The following HELQ variants were observed in gnomAD, a reference collection of about 807,000 sequenced individuals.
HELQ encodes helicase POLQ-like.
Under a neutral mutation model 111.6 loss-of-function variants are expected in HELQ, and 77 were observed. That is an observed-to-expected ratio of 0.69 (90% confidence interval 0.57 to 0.83). The LOEUF is 0.83. Ranked by LOEUF, HELQ falls within the 40% of genes least tolerant of loss-of-function variation. HELQ has a pLI of 0.00. For missense variants in HELQ, 1,200 were observed against 1,288.5 expected (o/e 0.93, Z 1.05); for synonymous variants, 438 against 454.7 (o/e 0.96, Z 0.47).
chr4:83,427,562 C>A lies in HELQ; in HGVS notation c.2676+1G>T. The A allele has an allele frequency of 6.5e-7, 1 of 1,528,624 alleles. No homozygotes were observed. Among genetic ancestry groups the A allele is most frequent in the South Asian group, 1.3e-5 (1 of 78,228 alleles). The allele number at this position is 1,528,624 out of a possible 1,614,324, so 94.7% of individuals were successfully genotyped here. A position where few individuals can be genotyped will look rare whatever the true frequency, so the allele number is the denominator to read the frequency against. Reference sequence around the variant, plus strand: ...TAAGTTGAAAAACGTTATATTCTCACCTGCCTGAAGTATATCATCCAATCA... The same window carrying A: ...TAAGTTGAAAAACGTTATATTCTCAACTGCCTGAAGTATATCATCCAATCA... On this transcript the variant is annotated splice_donor_variant, in intron 13 of 17. Coordinates refer to ENST00000295488, the MANE Select transcript of HELQ (RefSeq NM_133636.5). LOFTEE classifies it high-confidence loss of function.
intron 16 of HELQ, among the ~76,000 whole-genome samples, chr4:83,417,213 T>C (rs549097064): frequency 1.3e-4 from 19 of 151,730 alleles, no homozygotes; most frequent in Admixed American, 9.8e-4. Context: ...TTTCTTTTTT[T>C]TTTTTTTGAG....
intron 9 of HELQ, among the ~76,000 whole-genome samples, chr4:83,435,565 A>G (rs1381650360): frequency 6.7e-6 from 1 of 148,330 alleles, no homozygotes; most frequent in East Asian, 1.9e-4. Flanking sequence ...TTACTCAAGG[A>G]AGGCAAAATT....
chr4:83,451,961 A>G (rs898821177), intron 2 of HELQ, among the ~76,000 whole-genome samples: 1 of 152,230 alleles, frequency 6.6e-6, no homozygotes, highest in Non-Finnish European at 1.5e-5. Context: ...CATATCATTC[A>G]TAAGATCCTA....
intron 2 of HELQ, among the ~76,000 whole-genome samples, chr4:83,450,270 G>A (rs1040615361): frequency 5.7e-5 from 7 of 121,828 alleles, no homozygotes; most frequent in Non-Finnish European, 1.1e-4. Context: ...TCATTGCCCC[G>A]GAGTGGTGGA....
chr4:83,411,150 C>G (rs1456058227), intron 17 of HELQ, among the ~76,000 whole-genome samples: 1 of 116,156 alleles, frequency 8.6e-6, no homozygotes, highest in Non-Finnish European at 1.6e-5. Flanking sequence ...AGAGGGAGAC[C>G]TTGTCTCAAA....
At chr4:83,428,103 A>T (rs567990372) in intron 12 of HELQ, among the ~76,000 whole-genome samples, 5 of 152,316 alleles carry the variant, frequency 3.3e-5, no homozygotes, top group African/African-American at 1.2e-4. Flanking sequence ...AAGAAAAATG[A>T]GATAGATTTA....
rs1452630717 is a variant in HELQ, at chr4:83,436,942, A to C, written c.1964T>G (p.Leu655Trp). The C allele has an allele frequency of 1.7e-5, 28 of 1,614,088 alleles. No individual in the cohort carries two copies. The highest frequency in any genetic ancestry group is 2.1e-5 in the Non-Finnish European group (25 of 1,180,030). The change falls in exon 9 of 18, where the codon TTG (leucine) becomes TGG (tryptophan). Residue 655 changes from leucine to tryptophan, a missense_variant. This residue lies in a region of HELQ where 585 missense variants were observed against 665.3 expected (regional missense o/e 0.88). Coordinates refer to ENST00000295488, the MANE Select transcript of HELQ (RefSeq NM_133636.5). The part of the protein sequence containing the change: ...SGLTSDERKL[L>W]EEAYSTGVLC... ...CACTCCTGTGGAGTAGGCCTCCTCC[A>C]AGAGTTTCCTTTCATCACTTGTTAA...
chr4:83,454,809 G>C (rs868036248), intron 1 of HELQ, among the ~76,000 whole-genome samples: 7 of 152,100 alleles, frequency 4.6e-5, no homozygotes, highest in African/African-American at 1.7e-4. Flanking sequence ...CGAAGTTTCT[G>C]ATAACTGCAG....
Position 83,427,586 on chromosome 4 carries a change from C to T in HELQ, c.2653G>A (p.Asp885Asn). 1 of 1,565,228 alleles carries T rather than the reference C, an allele frequency of 6.4e-7. No homozygotes were observed. Among genetic ancestry groups the T allele is most frequent in the Non-Finnish European group, 8.6e-7 (1 of 1,161,030 alleles). The change falls in exon 13 of 18, where the codon GAT (aspartate) becomes AAT (asparagine). Residue 885 changes from aspartate to asparagine, a missense_variant. Physicochemically the swap from Asp to Asn is conservative, Grantham distance 23. Around this residue, in one of 3 missense-constraint regions of HELQ, gnomAD observed 585 missense variants for 665.3 expected, o/e 0.88. Transcript: ENST00000295488. The stretch of plus-strand genomic sequence containing the variant: ...ACCTGCCTGAAGTATATCATCCAAT[C>T]AGGGTTACACTGTGAAACCAGATCA... ...PYDLVSQCNPDWMIYFRQFSQ... is the reference protein window; with the variant it reads ...PYDLVSQCNPNWMIYFRQFSQ...
Position 83,440,009 on chromosome 4 carries a change from C to T in HELQ, c.1663-1G>A. On this transcript the variant is annotated splice_acceptor_variant, in intron 7 of 17. Coordinates refer to ENST00000295488, the MANE Select transcript of HELQ (RefSeq NM_133636.5). LOFTEE classifies it high-confidence loss of function. ...CCATCTTTTTTAGGGTATCAGAATA[C>T]TGCAAAACAACAAGATGTAGGAACA... 1 of 1,604,710 alleles carries T rather than the reference C, an allele frequency of 6.2e-7. No individual in the cohort carries two copies. Among genetic ancestry groups the T allele is most frequent in the Non-Finnish European group, 8.5e-7 (1 of 1,177,076 alleles).
In HELQ at chr4:83,407,504, T is replaced by C. The variant is rs777054193; in HGVS notation, c.3255A>G (p.Arg1085=). The change falls in exon 18 of 18, where the codon AGA becomes AGG. Residue 1085 remains arginine, a synonymous_variant. Coordinates refer to ENST00000295488, the MANE Select transcript of HELQ (RefSeq NM_133636.5). The part of the protein sequence containing the change: ...ALQEEVEELL[R]LPSDFPGAVA... ...CAGCACCAGGGAAATCAGAAGGCAA[T>C]CTTAGTAACTCTTCTACCTCTTCTT... 4 of 1,611,544 alleles carry C rather than the reference T, an allele frequency of 2.5e-6. No individual in the cohort carries two copies. Among genetic ancestry groups the C allele is most frequent in the Non-Finnish European group, 3.4e-6 (4 of 1,179,264 alleles).
chr4:83,424,991 G>T (rs1421558464), intron 14 of HELQ, among the ~76,000 whole-genome samples: 1 of 152,026 alleles, frequency 6.6e-6, no homozygotes, highest in Non-Finnish European at 1.5e-5. Flanking sequence ...GAGGAGGTTG[G>T]GTGTGGTGGC....
intron 12 of HELQ, among the ~76,000 whole-genome samples, chr4:83,428,639 T>C (rs1297333493): frequency 6.6e-6 from 1 of 152,086 alleles, no homozygotes; most frequent in Middle Eastern, 3.2e-3. Flanking sequence ...TCTAAGACAT[T>C]ATATTCAGGA....
chr4:83,441,828 C>T (rs1348369951), intron 6 of HELQ, among the ~76,000 whole-genome samples: 1 of 144,674 alleles, frequency 6.9e-6, no homozygotes, highest in African/African-American at 2.6e-5. Context: ...GCTTGGAGTG[C>T]AGTAGCATGA....
chr4:83,409,694 CT>C (rs1351712503), intron 17 of HELQ, among the ~76,000 whole-genome samples: 1 of 151,882 alleles, frequency 6.6e-6, no homozygotes, highest in African/African-American at 2.4e-5. Flanking sequence ...AAATAAAAAT[CT>C]GGAGATATGA....
Position 83,453,232 on chromosome 4 carries a change from A to G in HELQ, c.1011T>C (p.Tyr337=). 6.3e-7 allele frequency: 1 copy of G among 1,589,032 alleles called. No homozygotes were observed. Among genetic ancestry groups the G allele is most frequent in the Non-Finnish European group, 8.6e-7 (1 of 1,167,920 alleles). The change falls in exon 2 of 18, where the codon TAT becomes TAC. Residue 337 remains tyrosine, a splice_region_variant and synonymous_variant. Transcript: ENST00000295488. ...YAQFKGIEKL[Y]EWQHTCLTLN... is the part of the protein sequence containing the mutation. ...TTTTATTCCAGCAAAAAGCATTACCATATAATTTTTCAATTCCCTTGAATT... is the reference window on the plus strand; with the variant it reads ...TTTTATTCCAGCAAAAAGCATTACCGTATAATTTTTCAATTCCCTTGAATT...
chr4:83,447,728 G>A (rs1044391635), intron 3 of HELQ, among the ~76,000 whole-genome samples: 8 of 151,366 alleles, frequency 5.3e-5, no homozygotes, highest in South Asian at 2.1e-4. Context: ...GCGTGGTGGC[G>A]TGTGCTTGCG....
At chr4:83,436,776 G>A (rs1720481075) in intron 9 of HELQ, 82 bp downstream of exon 9, 1 of 1,439,768 alleles carries the variant, frequency 6.9e-7, no homozygotes, top group East Asian at 2.3e-5. Context: ...ATCCACTACT[G>A]AGAAAGCATA....
intron 7 of HELQ, 56 bp downstream of exon 7, chr4:83,441,249 G>T: frequency 1.1e-6 from 1 of 946,408 alleles, no homozygotes; most frequent in Non-Finnish European, 1.7e-6. Flanking sequence ...GGAAACTCTT[G>T]TTGTGCCCCA....
Sources: gnomAD v4.1 joint callset for allele counts (sites outside exome capture counted in the v4.1 genomes callset) on GRCh38, gnomAD v4.1.1 for gene constraint, gnomAD v4.1.1 regional missense constraint, MANE v1.5 for transcripts, NCBI Gene and HGNC (gene_info 2026-07-23, HGNC 2026-07-21) for gene names.